The following RGS6 variants were observed in gnomAD, a reference collection of about 807,000 sequenced individuals.
The protein encoded by RGS6 is regulator of G protein signaling 6, also known as regulator of G-protein signaling 6.
A neutral mutation model predicts 78.5 loss-of-function variants in RGS6; 30 were observed. The observed-to-expected ratio is 0.38, with a 90% CI of 0.29 to 0.52. The LOEUF is 0.52. RGS6 is among the 20% of genes least tolerant of loss of function. RGS6 has a pLI of 0.85. For synonymous variants in RGS6, 206 were observed against 206.0 expected (o/e 1.00, Z 0.00); for missense variants, 495 against 609.7 (o/e 0.81, Z 1.98).
chr14:72,489,914 C>T (rs931908703), intron 12 of RGS6, among the ~76,000 whole-genome samples: 5 of 152,228 alleles, frequency 3.3e-5, no homozygotes, highest in Admixed American at 2.0e-4. Flanking sequence ...TATTCCTCAA[C>T]ATGCAATGCC....
intron 2 of RGS6, among the ~76,000 whole-genome samples, chr14:72,167,794 C>T (rs866635219): frequency 3.3e-5 from 5 of 152,186 alleles, no homozygotes; most frequent in African/African-American, 1.2e-4. Context: ...AGAAGTGAGT[C>T]AGAATATATC....
At chr14:72,052,962 T>TC in intron 2 of RGS6, among the ~76,000 whole-genome samples, 1 of 42,782 alleles carries the variant, frequency 2.3e-5, no homozygotes, top group Non-Finnish European at 3.8e-5. Context: ...TCTTTCTTTC[T>TC]TTCTTTCTTT....
intron 2 of RGS6, among the ~76,000 whole-genome samples, chr14:72,337,371 C>T (rs970492972): frequency 3.3e-5 from 5 of 151,952 alleles, no homozygotes; most frequent in East Asian, 1.9e-4. Context: ...AGATCTGCAT[C>T]GCTCCTCTCT....
intron 2 of RGS6, among the ~76,000 whole-genome samples, chr14:72,173,915 T>C (rs892033010): frequency 2.0e-5 from 3 of 152,164 alleles, no homozygotes; most frequent in Admixed American, 1.3e-4. Flanking sequence ...CCAGGCCACC[T>C]GTAAAGAGGA....
chr14:71,873,781 C>T, the RGS6 span, among the ~76,000 whole-genome samples: 15 of 152,142 alleles, frequency 9.9e-5, no homozygotes, highest in Admixed American at 2.0e-4. Context: ...TTAGGTCTGA[C>T]AATTAAGTCT....
intron 2 of RGS6, among the ~76,000 whole-genome samples, chr14:72,313,874 G>A (rs1237178111): frequency 1.3e-5 from 2 of 152,292 alleles, no homozygotes; most frequent in East Asian, 3.9e-4. Flanking sequence ...ATGTATCTAA[G>A]CACAATTGAG....
chr14:72,492,662 C>T (rs2096593569), intron 12 of RGS6, among the ~76,000 whole-genome samples: 1 of 152,168 alleles, frequency 6.6e-6, no homozygotes, highest in South Asian at 2.1e-4. Flanking sequence ...TGCCAACATA[C>T]TATACTTTAG....
the RGS6 span, among the ~76,000 whole-genome samples, chr14:72,580,570 GA>G: frequency 4.6e-5 from 7 of 152,198 alleles, no homozygotes; most frequent in Admixed American, 3.9e-4. Context: ...AGGGCAAGGA[GA>G]AAGGAAGGTG....
intron 2 of RGS6, among the ~76,000 whole-genome samples, chr14:71,978,786 T>G (rs2094290337): frequency 6.6e-6 from 1 of 152,094 alleles, no homozygotes; most frequent in Non-Finnish European, 1.5e-5. Context: ...ATAAAATGAG[T>G]TAGGGAGGAT....
chr14:72,209,719 G>A (rs1027720494), intron 2 of RGS6, among the ~76,000 whole-genome samples: 1 of 152,158 alleles, frequency 6.6e-6, no homozygotes, highest in Non-Finnish European at 1.5e-5. Flanking sequence ...TTGGCTCCCT[G>A]ACTTCTCCTT....
intron 15 of RGS6, among the ~76,000 whole-genome samples, chr14:72,529,382 T>C (rs989293948): frequency 2.6e-5 from 4 of 152,204 alleles, no homozygotes; most frequent in Non-Finnish European, 4.4e-5. Context: ...GCAGTGGGAT[T>C]GGTGTGGTGA....
At chr14:72,190,376 C>T (rs149633) in intron 2 of RGS6, among the ~76,000 whole-genome samples, 2 of 152,050 alleles carry the variant, frequency 1.3e-5, no homozygotes, top group African/African-American at 2.4e-5. Flanking sequence ...CTGGGGATTA[C>T]GGAAAGAGAC....
the RGS6 span, among the ~76,000 whole-genome samples, chr14:72,593,726 T>C: frequency 6.6e-6 from 1 of 152,204 alleles, no homozygotes; most frequent in African/African-American, 2.4e-5. Context: ...ACTCTTATGA[T>C]CTGCTATATC....
chr14:72,204,012 C>T (rs568863827), intron 2 of RGS6, among the ~76,000 whole-genome samples: 19 of 151,662 alleles, frequency 1.3e-4, no homozygotes, highest in South Asian at 1.0e-3. Context: ...TTTTAGTAGA[C>T]GGGGTTTTGC....
chr14:72,518,336 C>T lies in RGS6; in HGVS notation c.1092-15C>T. ...GAGCCCCCTGGAACTGACTGTGTTT[C>T]TGCTCCCACTTCAGGTTCTGGCTGG... On this transcript the variant is annotated splice_polypyrimidine_tract_variant and intron_variant, in intron 14 of 17. Transcript: ENST00000553525. The T allele has an allele frequency of 6.2e-7, 1 of 1,610,354 alleles. No homozygotes were observed. The highest frequency in any genetic ancestry group is 8.5e-7 in the Non-Finnish European group (1 of 1,177,476).
Position 72,189,931 on chromosome 14 carries a change from C to A in RGS6, c.85-162164C>A, listed in dbSNP as rs111578288. Among the ~76,000 whole-genome samples, 625 of 152,226 alleles carry A rather than the reference C, an allele frequency of 4.1e-3. 3 individuals are homozygous for A. The highest frequency in any genetic ancestry group is 0.014 in the African/African-American group (587 of 41,544). On this transcript the variant is annotated intron_variant, in intron 2 of 17. Coordinates refer to ENST00000553525, the MANE Select transcript of RGS6 (RefSeq NM_001204424.2). Reference sequence around the variant, plus strand: ...AGGGCCTCGTTCATAAAAACGCATACCCATACTTCTTACTATGCCCTTGCC... The same window carrying A: ...AGGGCCTCGTTCATAAAAACGCATAACCATACTTCTTACTATGCCCTTGCC...
chr14:72,275,420 T>C (rs1197048461), intron 2 of RGS6, among the ~76,000 whole-genome samples: 3 of 152,132 alleles, frequency 2.0e-5, no homozygotes, highest in African/African-American at 7.2e-5. Context: ...GAAGATTGGG[T>C]ACGAAGATCA....
At chr14:71,877,504 C>T in the RGS6 span, among the ~76,000 whole-genome samples, 2 of 152,274 alleles carry the variant, frequency 1.3e-5, no homozygotes, top group Admixed American at 6.5e-5. Context: ...ATGTAGTTCT[C>T]GTGCCATGGT....
the RGS6 span, among the ~76,000 whole-genome samples, chr14:72,572,355 GCAGCA>G: frequency 1.3e-3 from 196 of 152,252 alleles, 1 homozygote; most frequent in African/African-American, 4.4e-3. Context: ...AGTGTTCATA[GCAGCA>G]TTATTCATAA....
Sources: gnomAD v4.1 joint callset for allele counts (sites outside exome capture counted in the v4.1 genomes callset) on GRCh38, gnomAD v4.1.1 for gene constraint, MANE v1.5 for transcripts, NCBI Gene and HGNC (gene_info 2026-07-23, HGNC 2026-07-21) for gene names.